Variants in JAKMIP1 observed in about 807,000 individuals in gnomAD.
JAKMIP1 encodes janus kinase and microtubule interacting protein 1.
JAKMIP1 carries 33 observed loss-of-function variants against 113.0 expected under a neutral mutation model. The ratio of observed to expected loss-of-function variants is 0.29; its 90% CI spans 0.22 to 0.39. JAKMIP1 has a LOEUF of 0.39. Among genes scored for constraint, JAKMIP1 ranks in the 10% least tolerant of loss-of-function variants. JAKMIP1 has a pLI of 1.00. For missense variants in JAKMIP1, 813 were observed against 1,080.5 expected, an observed-to-expected ratio of 0.75 and a Z score of 3.47; for synonymous variants, 480 against 459.9, an observed-to-expected ratio of 1.04 and a Z score of -0.56.
At position 6,140,162 on chromosome 4, in the gene JAKMIP1, G is replaced by C. The variant is rs1158779666; in HGVS notation, c.-147-27165C>G. Among the ~76,000 whole-genome samples the C allele has an allele frequency of 6.6e-6, 1 of 152,114 alleles. No homozygotes were observed. The highest frequency in any genetic ancestry group is 6.5e-5 in the Admixed American group (1 of 15,282). ...GGAGACCAATTTCATACACACAGGG[G>C]AGAAAGGCTGACAGCGGCAGAAACA... On this transcript the variant is annotated intron_variant, in intron 1 of 20. Transcript: ENST00000409021. The surrounding 1 kb of genome is among the most constrained non-coding windows in gnomAD (Gnocchi z 9.4).
chr4:6,072,216 CT>C (rs1719061071), intron 8 of JAKMIP1, among the ~76,000 whole-genome samples: 1 of 152,250 alleles, frequency 6.6e-6, no homozygotes. Context: ...CACACCCCCT[CT>C]TTCCCCTCCA....
intron 5 of JAKMIP1, among the ~76,000 whole-genome samples, chr4:6,084,297 G>T (rs543051921): frequency 7.0e-6 from 1 of 143,448 alleles, no homozygotes; most frequent in Non-Finnish European, 1.5e-5. Flanking sequence ...CAGCCTGGGC[G>T]ACAAGAGTGA....
intron 17 of JAKMIP1, among the ~76,000 whole-genome samples, chr4:6,041,369 A>C (rs976612785): frequency 2.6e-5 from 4 of 152,076 alleles, no homozygotes; most frequent in African/African-American, 9.7e-5. Context: ...GGGAGTAGAA[A>C]CCCAGGCCTT....
At position 6,141,869 on chromosome 4, in the gene JAKMIP1, G is replaced by C. The variant is rs553175233; in HGVS notation, c.-147-28872C>G. ...ATTTCTGCTGTCAGGCTCTGGCATGGAGAGGCGCTTACGCTTCCTAAGGGC... is the reference window on the plus strand; with the variant it reads ...ATTTCTGCTGTCAGGCTCTGGCATGCAGAGGCGCTTACGCTTCCTAAGGGC... On this transcript the variant is annotated intron_variant, in intron 1 of 20. Coordinates refer to ENST00000409021, the MANE Select transcript of JAKMIP1 (RefSeq NM_001099433.2). This position sits in a 1 kb window ranked among gnomAD's most constrained non-coding sequence, Gnocchi z 9.4. 1.3e-5 allele frequency among the ~76,000 whole-genome samples: 2 copies of C among 152,354 alleles called. No individual in the cohort carries two copies. The highest frequency in any genetic ancestry group is 6.5e-5 in the Admixed American group (1 of 15,304).
At chr4:6,084,496 C>T (rs185153694) in intron 5 of JAKMIP1, among the ~76,000 whole-genome samples, 1 of 152,188 alleles carries the variant, frequency 6.6e-6, no homozygotes. Context: ...ATTCCATAAT[C>T]ACTCTGCCCT....
chr4:6,100,570 T>C (rs1413760529), intron 3 of JAKMIP1, among the ~76,000 whole-genome samples: 1 of 152,250 alleles, frequency 6.6e-6, no homozygotes, highest in Non-Finnish European at 1.5e-5. Context: ...GATATGTGTT[T>C]TCATTTCTCT....
At chr4:6,037,567 G>A (rs1040190571) in intron 18 of JAKMIP1, among the ~76,000 whole-genome samples, 51 of 146,284 alleles carry the variant, frequency 3.5e-4, no homozygotes, top group African/African-American at 1.2e-3. Context: ...CTCCATCACC[G>A]AGGCAGAGGA....
intron 3 of JAKMIP1, among the ~76,000 whole-genome samples, chr4:6,101,712 C>A (rs1036659844): frequency 2.6e-5 from 3 of 117,376 alleles, no homozygotes; most frequent in East Asian, 2.5e-4. Flanking sequence ...CATGGCAAAA[C>A]CCCATCTCTA....
Position 6,162,322 on chromosome 4 carries a change from G to A in JAKMIP1, c.-148+37931C>T, listed in dbSNP as rs979314351. 4.6e-5 allele frequency among the ~76,000 whole-genome samples: 7 copies of A among 152,278 alleles called. No homozygotes were observed. In the East Asian group the frequency reaches 5.8e-4, roughly 13 times the overall value. On this transcript the variant is annotated intron_variant, in intron 1 of 20. Coordinates refer to ENST00000409021, the MANE Select transcript of JAKMIP1 (RefSeq NM_001099433.2). The surrounding 1 kb of genome is among the most constrained non-coding windows in gnomAD (Gnocchi z 5.6). ...CTCACCAGGACACTGCACTGCAGCC[G>A]AGCTTGCATCTGTGCAGCTAAGGCA...
At chr4:6,133,960 C>T (rs1032172942) in intron 1 of JAKMIP1, among the ~76,000 whole-genome samples, 1 of 152,160 alleles carries the variant, frequency 6.6e-6, no homozygotes, top group African/African-American at 2.4e-5. Flanking sequence ...CTGGAGTGGG[C>T]CTGCACTAGA....
At position 6,051,826 on chromosome 4, in the gene JAKMIP1, A is replaced by G. The variant is rs1050930615; in HGVS notation, c.1807-1147T>C. 1.3e-5 allele frequency among the ~76,000 whole-genome samples: 2 copies of G among 152,260 alleles called. No individual in the cohort carries two copies. The highest frequency in any genetic ancestry group is 2.9e-5 in the Non-Finnish European group (2 of 68,048). On this transcript the variant is annotated intron_variant, in intron 13 of 20. Transcript: ENST00000409021. The surrounding 1 kb of genome is among the most constrained non-coding windows in gnomAD (Gnocchi z 5.0). ...CAGGTCTCAGATGTGTTTCCTGCAC[A>G]GAATGGACTTTAAACACTTTAGCGA... is the stretch of plus-strand genomic sequence containing the variant.
chr4:6,127,401 A>G (rs1717847262), intron 1 of JAKMIP1, among the ~76,000 whole-genome samples: 1 of 152,182 alleles, frequency 6.6e-6, no homozygotes, highest in Non-Finnish European at 1.5e-5. Flanking sequence ...GAAAGATGGG[A>G]AGCAGAGGAG....
chr4:6,174,868 C>T (rs78756509), intron 1 of JAKMIP1, among the ~76,000 whole-genome samples: 1,959 of 152,182 alleles, frequency 0.013, 48 homozygotes, highest in African/African-American at 0.043. Flanking sequence ...CCCTTCCTCA[C>T]CCTCTGCCCA....
Position 6,049,980 on chromosome 4 carries a change from T to C in JAKMIP1, c.1909-108A>G. The C allele has an allele frequency of 1.3e-6, 1 of 765,068 alleles. No individual in the cohort carries two copies. The highest frequency in any genetic ancestry group is 2.6e-5 in the East Asian group (1 of 38,028). 47.4% of individuals were successfully genotyped at this position (765,068 alleles called of 1,614,324 possible). A position where few individuals can be genotyped will look rare whatever the true frequency, so the allele number is the denominator to read the frequency against. On this transcript the variant is annotated intron_variant, in intron 14 of 20. Coordinates refer to ENST00000409021, the MANE Select transcript of JAKMIP1 (RefSeq NM_001099433.2). The surrounding 1 kb of genome is among the most constrained non-coding windows in gnomAD (Gnocchi z 7.0). The stretch of plus-strand genomic sequence containing the variant: ...GGACAAGACACCGCGCTCTTTCTTT[T>C]CTTTTCTGGCCAAGTTTTGCGCCCA...
chr4:6,138,326 C>A lies in JAKMIP1; in HGVS notation c.-147-25329G>T, dbSNP rs1719565826. Among the ~76,000 whole-genome samples the A allele has an allele frequency of 1.3e-5, 2 of 152,150 alleles. No homozygotes were observed. The highest frequency in any genetic ancestry group is 2.4e-5 in the African/African-American group (1 of 41,432). On this transcript the variant is annotated intron_variant, in intron 1 of 20. Coordinates refer to ENST00000409021, the MANE Select transcript of JAKMIP1 (RefSeq NM_001099433.2). The surrounding 1 kb of genome is among the most constrained non-coding windows in gnomAD (Gnocchi z 6.0). Reference sequence around the variant, plus strand: ...GCAGTGGTGCAATATTGGCTCACTGCAACCTCTGCCTCCTGGGTTCAAGCG... The same window carrying A: ...GCAGTGGTGCAATATTGGCTCACTGAAACCTCTGCCTCCTGGGTTCAAGCG...
chr4:6,113,852 C>G (rs937343756), intron 1 of JAKMIP1, among the ~76,000 whole-genome samples: 2 of 152,342 alleles, frequency 1.3e-5, no homozygotes, highest in African/African-American at 2.4e-5. Context: ...GCCTGCTCTG[C>G]GCCTGCTGTG....
chr4:6,182,048 C>A (rs1027411408), intron 1 of JAKMIP1, among the ~76,000 whole-genome samples: 5 of 151,992 alleles, frequency 3.3e-5, no homozygotes, highest in Non-Finnish European at 5.9e-5. Flanking sequence ...CAAATTGATA[C>A]ATTGAAACCC....
chr4:6,175,284 G>A (rs1345391411), intron 1 of JAKMIP1, among the ~76,000 whole-genome samples: 1 of 152,188 alleles, frequency 6.6e-6, no homozygotes, highest in African/African-American at 2.4e-5. Context: ...ACACAAGTAA[G>A]TGAGCTCCAA....
Position 6,085,535 on chromosome 4 carries a change from T to C in JAKMIP1, c.719A>G (p.Lys240Arg), listed in dbSNP as rs886738867. ...AGQTQKLLLQ[K>R]EALDEQLVQV... ...AACCAGCTGCTCATCCAAAGCCTCT[T>C]TCTGCAGAAGCAGCTTCTGGGTCTG... The change falls in exon 4 of 21, where the codon AAA becomes AGA. Residue 240 changes from lysine to arginine, a missense_variant. Coordinates refer to ENST00000409021, the MANE Select transcript of JAKMIP1 (RefSeq NM_001099433.2). 1 of 1,614,224 alleles carries C rather than the reference T, an allele frequency of 6.2e-7. No individual in the cohort carries two copies. Among genetic ancestry groups the C allele is most frequent in the African/African-American group, 1.3e-5 (1 of 75,052 alleles).
Sources: gnomAD v4.1 joint callset for allele counts (sites outside exome capture counted in the v4.1 genomes callset) on GRCh38, gnomAD v4.1.1 for gene constraint, Gnocchi (gnomAD v3.1) non-coding constraint, MANE v1.5 for transcripts, NCBI Gene and HGNC (gene_info 2026-07-23, HGNC 2026-07-21) for gene names.